The following GRIA3 variants were observed in gnomAD, a reference collection of about 807,000 sequenced individuals.
The protein encoded by GRIA3 is glutamate ionotropic receptor AMPA type subunit 3, also known as glutamate receptor 3.
GRIA3 carries 3 observed loss-of-function variants against 63.0 expected under a neutral mutation model. The observed-to-expected ratio is 0.05, with a 90% CI of 0.02 to 0.12. GRIA3 has a LOEUF of 0.12. GRIA3 is among the 10% of genes least tolerant of loss of function. The pLI, the probability that GRIA3 is intolerant of heterozygous loss-of-function variation, is 1.00. For missense variants in GRIA3, 347 were observed against 700.9 expected, an observed-to-expected ratio of 0.50 and a Z score of 5.70; for synonymous variants, 274 against 257.9, an observed-to-expected ratio of 1.06 and a Z score of -0.60.
At chrX:123,379,477 T>C (rs1853840264) in intron 5 of GRIA3, among the ~76,000 whole-genome samples, 1 of 110,648 alleles carries the variant, frequency 9.0e-6, no homozygotes, top group Admixed American at 9.7e-5. Flanking sequence ...CTTTCTCCCC[T>C]TCTTTATTTC....
intron 12 of GRIA3, among the ~76,000 whole-genome samples, chrX:123,443,290 ATCT>A (rs1419945339): frequency 3.2e-4 from 36 of 112,129 alleles, no homozygotes; most frequent in African/African-American, 1.1e-3. Flanking sequence ...TACAATTTTG[ATCT>A]TCTTCTCCTC....
At chrX:123,404,631 G>A (rs1404013509) in intron 9 of GRIA3, 77 bp from the exon 10 acceptor site, 1 of 742,957 alleles carries the variant, frequency 1.3e-6, no homozygotes, top group Non-Finnish European at 2.1e-6. Flanking sequence ...AGTCACAGAG[G>A]GGAAAAATTA....
intron 3 of GRIA3, among the ~76,000 whole-genome samples, chrX:123,282,984 G>A (rs58016666): frequency 1.8e-3 from 197 of 109,771 alleles, no homozygotes; most frequent in African/African-American, 6.4e-3. Context: ...GCTCCGGTCT[G>A]CAGCTCCCAG....
At chrX:123,424,060 C>T (rs2045577914) in intron 11 of GRIA3, among the ~76,000 whole-genome samples, 1 of 112,002 alleles carries the variant, frequency 8.9e-6, no homozygotes, top group African/African-American at 3.2e-5. Flanking sequence ...TTTATAAACA[C>T]TAAATGTGCA....
chrX:123,249,769 A>G (rs1433128270), intron 2 of GRIA3, among the ~76,000 whole-genome samples: 2 of 112,054 alleles, frequency 1.8e-5, no homozygotes, highest in African/African-American at 6.5e-5. Flanking sequence ...CCACTGATCT[A>G]TAAATATTCC....
intron 7 of GRIA3, among the ~76,000 whole-genome samples, chrX:123,401,961 T>C (rs1156493682): frequency 3.6e-5 from 4 of 111,720 alleles, no homozygotes; most frequent in East Asian, 5.6e-4. Context: ...CACTGTAAAA[T>C]AGGTAAAGAA....
At chrX:123,386,709 G>A (rs1045418169) in intron 5 of GRIA3, among the ~76,000 whole-genome samples, 1 of 111,987 alleles carries the variant, frequency 8.9e-6, no homozygotes, top group Non-Finnish European at 1.9e-5. Context: ...ATTTATTGAA[G>A]AGGGTGCCCT....
chrX:123,338,682 C>T (rs184069013), intron 4 of GRIA3, among the ~76,000 whole-genome samples: 5 of 111,689 alleles, frequency 4.5e-5, no homozygotes, highest in Non-Finnish European at 7.5e-5. Context: ...TCCCGAGTAG[C>T]TGGGATTACA....
chrX:123,394,268 A>G (rs1441905738), intron 5 of GRIA3, among the ~76,000 whole-genome samples: 1 of 111,213 alleles, frequency 9.0e-6, no homozygotes, highest in African/African-American at 3.3e-5. Flanking sequence ...AGGCTGAGGC[A>G]CGAGAATCGC....
At chrX:123,372,909 T>C (rs973205153) in intron 5 of GRIA3, among the ~76,000 whole-genome samples, 4 of 108,775 alleles carry the variant, frequency 3.7e-5, no homozygotes, top group African/African-American at 1.3e-4. Flanking sequence ...ATACCTTAAG[T>C]TCTAGGGTAC....
chrX:123,398,544 A>G (rs2045426435), intron 6 of GRIA3, 92 bp from the exon 7 acceptor site: 1 of 711,197 alleles, frequency 1.4e-6, no homozygotes, highest in East Asian at 3.4e-5. Flanking sequence ...GCATAGAACA[A>G]TAGGTAGAAA....
chrX:123,185,319 T>C (rs977648641), intron 1 of GRIA3, among the ~76,000 whole-genome samples: 3 of 111,590 alleles, frequency 2.7e-5, no homozygotes, highest in African/African-American at 6.5e-5. Context: ...TTATCTTGGC[T>C]TCTGTCGTAT....
chrX:123,192,809 T>A (rs73229255), intron 2 of GRIA3, among the ~76,000 whole-genome samples: 1 of 111,500 alleles, frequency 9.0e-6, no homozygotes, highest in Non-Finnish European at 1.9e-5. Context: ...CACTTGTTAA[T>A]TTTTCATGTG....
At chrX:123,227,396 G>A (rs747840345) in intron 2 of GRIA3, among the ~76,000 whole-genome samples, 2 of 112,019 alleles carry the variant, frequency 1.8e-5, no homozygotes, top group African/African-American at 3.2e-5. Context: ...ATGAATGGAC[G>A]AATGAATGGA....
At chrX:123,362,359 G>C (rs1368876863) in intron 5 of GRIA3, among the ~76,000 whole-genome samples, 3 of 111,515 alleles carry the variant, frequency 2.7e-5, no homozygotes, top group Admixed American at 9.6e-5. Flanking sequence ...GCCAGAGAAG[G>C]CCTTTCAGAA....
chrX:123,398,865 C>A (rs1410145650), intron 7 of GRIA3, 62 bp downstream of exon 7: 28 of 943,875 alleles, frequency 3.0e-5, no homozygotes, highest in Non-Finnish European at 9.1e-6. Flanking sequence ...AAAGATGAGA[C>A]CTTGATCTTG....
chrX:123,305,896 G>T (rs1389671843), intron 3 of GRIA3, among the ~76,000 whole-genome samples: 1 of 112,301 alleles, frequency 8.9e-6, no homozygotes, highest in Non-Finnish European at 1.9e-5. Context: ...AGCATAGGTA[G>T]ACAGAATAGC....
intron 3 of GRIA3, among the ~76,000 whole-genome samples, chrX:123,318,230 C>T (rs764974019): frequency 6.3e-5 from 7 of 111,804 alleles, no homozygotes; most frequent in Non-Finnish European, 1.3e-4. Context: ...ATGGGAGGGG[C>T]TGCTGTGAAG....
rs192792411 is a variant in GRIA3, at chrX:123,301,186, G to A, written c.509-24840G>A. 1.6e-3 allele frequency among the ~76,000 whole-genome samples: 178 copies of A among 110,986 alleles called. 4 individuals carry two copies. The highest frequency in any genetic ancestry group is 1.4e-3 in the African/African-American group (43 of 30,598). On this transcript the variant is annotated intron_variant, in intron 3 of 15. Transcript: ENST00000620443. Reference sequence around the variant, plus strand: ...AGTTCTGTAGATATCTATCAGGTCCGTTTGGTCCAGTGTTGAGTTCAAGTC... The same window carrying A: ...AGTTCTGTAGATATCTATCAGGTCCATTTGGTCCAGTGTTGAGTTCAAGTC...
Sources: allele counts gnomAD v4.1 joint callset (sites outside exome capture counted in the v4.1 genomes callset), GRCh38; gene constraint gnomAD v4.1.1; transcripts MANE v1.5; gene names NCBI Gene and HGNC (gene_info 2026-07-23, HGNC 2026-07-21).